Variants in TDRD3 observed in about 807,000 individuals in gnomAD.
The protein encoded by TDRD3 is tudor domain containing 3.
Under a neutral mutation model 86.7 loss-of-function variants are expected in TDRD3, and 45 were observed. The observed-to-expected ratio is 0.52, with a 90% confidence interval of 0.41 to 0.67. TDRD3 has a LOEUF of 0.67. Ranked by LOEUF, TDRD3 falls within the 30% of genes least tolerant of loss-of-function variation. The probability of loss-of-function intolerance (pLI) is 0.00; values close to 1 mark genes in which losing one functional copy is unlikely to be tolerated. For missense variants in TDRD3, 814 were observed against 889.0 expected, an observed-to-expected ratio of 0.92 and a Z score of 1.07; for synonymous variants, 298 against 301.7, an observed-to-expected ratio of 0.99 and a Z score of 0.13.
rs1456585621 is a variant in TDRD3, at chr13:60,485,587, C to T, written c.568-212C>T. Among the ~76,000 whole-genome samples, 6 of 151,946 alleles carry T rather than the reference C, an allele frequency of 3.9e-5. No homozygotes were observed. In the East Asian group the frequency reaches 1.2e-3, roughly 29 times the overall value. The stretch of plus-strand genomic sequence containing the variant: ...TTTAGATAGCCACATATTTATATAG[C>T]TTTTAATTTTATTTACTAGTTACGT... On this transcript the variant is annotated intron_variant, in intron 6 of 13. Coordinates refer to ENST00000377881, the MANE Select transcript of TDRD3 (RefSeq NM_001146070.2).
intron 4 of TDRD3, among the ~76,000 whole-genome samples, chr13:60,465,364 T>G (rs368012569): frequency 1.1e-4 from 17 of 152,196 alleles, no homozygotes; most frequent in East Asian, 9.6e-4. Flanking sequence ...GCTTCTTCAC[T>G]ATTGTAATTG....
intron 4 of TDRD3, among the ~76,000 whole-genome samples, chr13:60,464,585 TAC>T (rs1047437745): frequency 4.7e-5 from 7 of 149,664 alleles, no homozygotes; most frequent in Admixed American, 1.3e-4. Flanking sequence ...CACACACACA[TAC>T]ACACACACAC....
At chr13:60,554,747 C>T (rs535520695) in intron 12 of TDRD3, among the ~76,000 whole-genome samples, 6 of 152,246 alleles carry the variant, frequency 3.9e-5, no homozygotes, top group East Asian at 1.9e-4. Context: ...CATCCTTGAA[C>T]GAGAAGAATA....
chr13:60,541,153 C>CT (rs1409739072), intron 12 of TDRD3, among the ~76,000 whole-genome samples: 2 of 106,724 alleles, frequency 1.9e-5, no homozygotes, highest in Non-Finnish European at 4.2e-5. Context: ...TCTATTCTTT[C>CT]TTTCTTTCTT....
chr13:60,567,192 T>C (rs888630970), intron 12 of TDRD3, among the ~76,000 whole-genome samples: 6 of 152,246 alleles, frequency 3.9e-5, no homozygotes, highest in African/African-American at 7.2e-5. Flanking sequence ...TGTATGTTTT[T>C]ACCACATTGT....
rs71199004 is a variant in TDRD3, at chr13:60,492,917, C to CTTTTTTTTTT, written c.718-1508_718-1499dup. 3.0e-3 allele frequency among the ~76,000 whole-genome samples: 346 copies of CTTTTTTTTTT among 115,432 alleles called. 2 individuals are homozygous for CTTTTTTTTTT. Among genetic ancestry groups the CTTTTTTTTTT allele is most frequent in the Middle Eastern group, 7.2e-3 (1 of 138 alleles). 75.7% of individuals were successfully genotyped at this position (115,432 alleles called of 152,430 possible). A position where few individuals can be genotyped will look rare whatever the true frequency, so the allele number is the denominator to read the frequency against. ...CGTTTCAAATAATTTTCTTTCTTTT[C>CTTTTTTTTTT]TTTTTTTTTTTTTTTTTTTGAGACG... On this transcript the variant is annotated intron_variant, in intron 7 of 13. Coordinates refer to ENST00000377881, the MANE Select transcript of TDRD3 (RefSeq NM_001146070.2).
intron 1 of TDRD3, among the ~76,000 whole-genome samples, chr13:60,410,000 T>G (rs1177513562): frequency 6.6e-6 from 1 of 152,178 alleles, no homozygotes; most frequent in African/African-American, 2.4e-5. Flanking sequence ...GGGGCCAGTC[T>G]TTCCTGTGCT....
At chr13:60,407,962 C>T (rs1164073650) in intron 1 of TDRD3, among the ~76,000 whole-genome samples, 3 of 152,144 alleles carry the variant, frequency 2.0e-5, no homozygotes, top group African/African-American at 4.8e-5. Context: ...GAATACGTCT[C>T]GTGAGATCTG....
intron 2 of TDRD3, among the ~76,000 whole-genome samples, chr13:60,442,272 A>C (rs1031140160): frequency 6.6e-6 from 1 of 152,160 alleles, no homozygotes. Context: ...AAAAATTTAA[A>C]AACAAATTAT....
intron 12 of TDRD3, among the ~76,000 whole-genome samples, chr13:60,555,961 C>T (rs1225999792): frequency 2.0e-5 from 3 of 151,434 alleles, no homozygotes; most frequent in Non-Finnish European, 4.4e-5. Context: ...CGCCATTCTC[C>T]TGCCTCAGCC....
At chr13:60,429,916 C>T (rs972708861) in intron 1 of TDRD3, among the ~76,000 whole-genome samples, 2 of 152,162 alleles carry the variant, frequency 1.3e-5, no homozygotes, top group Middle Eastern at 3.4e-3. Flanking sequence ...ACAAGGGCAC[C>T]ATGTTTAAGA....
At chr13:60,423,493 C>A (rs569974343) in intron 1 of TDRD3, among the ~76,000 whole-genome samples, 1 of 152,244 alleles carries the variant, frequency 6.6e-6, no homozygotes, top group African/African-American at 2.4e-5. Flanking sequence ...TACTCATTTT[C>A]TTAAGTGCCT....
intron 10 of TDRD3, among the ~76,000 whole-genome samples, chr13:60,525,518 T>G (rs928458749): frequency 6.6e-6 from 1 of 152,146 alleles, no homozygotes; most frequent in Non-Finnish European, 1.5e-5. Context: ...TAAATTTTAC[T>G]CTCACTATAT....
At chr13:60,541,725 T>TTTTTG (rs1957816696) in intron 12 of TDRD3, among the ~76,000 whole-genome samples, 1 of 115,556 alleles carries the variant, frequency 8.7e-6, no homozygotes. Context: ...TCTTTTTTTT[T>TTTTTG]TTTTTTTTTT....
At chr13:60,412,152 A>G (rs1316374014) in intron 1 of TDRD3, among the ~76,000 whole-genome samples, 2 of 152,210 alleles carry the variant, frequency 1.3e-5, no homozygotes, top group Non-Finnish European at 2.9e-5. Context: ...GATTGCTCCA[A>G]AAGTTTCTGT....
chr13:60,437,303 T>A (rs1955143538), intron 1 of TDRD3, among the ~76,000 whole-genome samples: 1 of 151,804 alleles, frequency 6.6e-6, no homozygotes, highest in South Asian at 2.1e-4. Flanking sequence ...ATTTTGTATT[T>A]TTAGTAGAAA....
intron 10 of TDRD3, among the ~76,000 whole-genome samples, chr13:60,527,385 A>G (rs997875978): frequency 1.3e-5 from 2 of 152,156 alleles, no homozygotes; most frequent in African/African-American, 2.4e-5. Flanking sequence ...AACAGAGGGA[A>G]CAGTCTCACC....
chr13:60,420,710 A>G (rs1162325395), intron 1 of TDRD3, among the ~76,000 whole-genome samples: 1 of 152,092 alleles, frequency 6.6e-6, no homozygotes, highest in African/African-American at 2.4e-5. Context: ...TGGGAGGCCG[A>G]GGCGGGTGGA....
chr13:60,529,086 A>G lies in TDRD3; in HGVS notation c.1861A>G (p.Asn621Asp). The change falls in exon 11 of 14, where the codon AAT (asparagine) becomes GAT (aspartate). Residue 621 changes from asparagine (N) to aspartate (D), a missense_variant. Asn to Asp is a conservative substitution (Grantham distance 23). Transcript: ENST00000377881. Reference sequence around the variant, plus strand: ...ACCCTGTGATGATAAAATATTTTACAATAGTGGGCCCAAACGAAGATCTGG... The same window carrying G: ...ACCCTGTGATGATAAAATATTTTACGATAGTGGGCCCAAACGAAGATCTGG... ...AVPCDDKIFY[N>D]SGPKRRSGPI... 1 of 1,614,060 alleles carries G rather than the reference A, an allele frequency of 6.2e-7. No homozygotes were observed.
Sources: allele counts gnomAD v4.1 joint callset (sites outside exome capture counted in the v4.1 genomes callset), GRCh38; gene constraint gnomAD v4.1.1; transcripts MANE v1.5; gene names NCBI Gene and HGNC (gene_info 2026-07-23, HGNC 2026-07-21).